ITPR1: variants seen among roughly 807,000 people sequenced by gnomAD.
The protein encoded by ITPR1 is inositol 1,4,5-trisphosphate receptor type 1, also known as inositol 1,4,5-trisphosphate-gated calcium channel ITPR1.
Under a neutral mutation model 318.4 loss-of-function variants are expected in ITPR1, and 96 were observed. That is an observed-to-expected ratio of 0.30 (90% CI 0.26 to 0.36). ITPR1 has a LOEUF of 0.36. ITPR1 is among the 10% of genes least tolerant of loss of function. The pLI is 1.00. For missense variants in ITPR1, 2,440 were observed against 3,460.2 expected, an observed-to-expected ratio of 0.71 and a Z score of 7.40; for synonymous variants, 1,312 against 1,289.9, an observed-to-expected ratio of 1.02 and a Z score of -0.37.
intron 4 of ITPR1, among the ~76,000 whole-genome samples, chr3:4,546,095 C>G (rs560143581): frequency 1.7e-4 from 26 of 152,262 alleles, no homozygotes; most frequent in Admixed American, 3.9e-4. Context: ...ATATGCAATG[C>G]TCTTGAGACA....
At chr3:4,577,808 A>G (rs1457227230) in intron 4 of ITPR1, among the ~76,000 whole-genome samples, 1 of 152,220 alleles carries the variant, frequency 6.6e-6, no homozygotes, top group African/African-American at 2.4e-5. Context: ...ACAGACTGTA[A>G]TTACAAGTGT....
In ITPR1 at chr3:4,779,628, A is replaced by G. The variant is rs773310519; in HGVS notation, c.6370A>G (p.Met2124Val). ...AAACGCAGAGAGGATACTTTATAAC[A>G]TGAGGCCCAAGGAACTGGTGAGTCG... ...SENAERILYN[M>V]RPKELVEVIK... The change falls in exon 49 of 62, where the codon ATG (methionine) becomes GTG (valine). Residue 2124 changes from methionine (M) to valine (V), a missense_variant. Physicochemically the swap from Met to Val is conservative, Grantham distance 21. Transcript: ENST00000649015. This position sits in a 1 kb window ranked among gnomAD's most constrained non-coding sequence, Gnocchi z 4.0. 1.9e-6 allele frequency: 3 copies of G among 1,608,984 alleles called. No individual in the cohort carries two copies. Among genetic ancestry groups the G allele is most frequent in the Admixed American group, 1.7e-5 (1 of 59,890 alleles).
chr3:4,598,142 A>G (rs148802100), intron 4 of ITPR1, among the ~76,000 whole-genome samples: 32 of 152,222 alleles, frequency 2.1e-4, no homozygotes, highest in African/African-American at 7.0e-4. Context: ...CTCTCAGTTA[A>G]AATTTGTACC....
chr3:4,578,242 A>G (rs1311616435), intron 4 of ITPR1, among the ~76,000 whole-genome samples: 2 of 152,348 alleles, frequency 1.3e-5, no homozygotes, highest in South Asian at 2.1e-4. Flanking sequence ...TAAATTATGT[A>G]AGATTCTATA....
chr3:4,763,423 T>C (rs963673637), intron 44 of ITPR1, among the ~76,000 whole-genome samples: 3 of 152,196 alleles, frequency 2.0e-5, no homozygotes, highest in Admixed American at 2.0e-4. Context: ...TTCCTTCCGT[T>C]GAGGCACTGG....
At chr3:4,633,076 C>A (rs764996385) in intron 5 of ITPR1, among the ~76,000 whole-genome samples, 1 of 151,710 alleles carries the variant, frequency 6.6e-6, no homozygotes, top group Non-Finnish European at 1.5e-5. Context: ...GTAGCTGGGA[C>A]TTCAGGGGTG....
At chr3:4,539,764 C>A (rs113948082) in intron 4 of ITPR1, among the ~76,000 whole-genome samples, 71 of 152,026 alleles carry the variant, frequency 4.7e-4, no homozygotes, top group African/African-American at 1.7e-3. Flanking sequence ...GAAGAGGGAC[C>A]CAAGTTAGTA....
At chr3:4,574,036 G>A (rs2088327651) in intron 4 of ITPR1, among the ~76,000 whole-genome samples, 2 of 152,164 alleles carry the variant, frequency 1.3e-5, no homozygotes, top group African/African-American at 4.8e-5. Flanking sequence ...TTTGGCCATG[G>A]CGACAGAGGT....
At chr3:4,673,577 TTTTG>T (rs58112934) in intron 21 of ITPR1, among the ~76,000 whole-genome samples, 190 bp downstream of exon 21, 9 of 151,818 alleles carry the variant, frequency 5.9e-5, no homozygotes, top group East Asian at 1.9e-4. Context: ...TGTTTTTGGT[TTTTG>T]TTTGTTTGTT....
In ITPR1 at chr3:4,642,265, C is replaced by G. The variant is rs752136674; in HGVS notation, c.525+14C>G. The stretch of plus-strand genomic sequence containing the variant: ...ATTGGAGACAGCGTAAGTGCGGATT[C>G]TCCACCTAGAAAGTCTTCCGTGCCA... On this transcript the variant is annotated intron_variant, in intron 7 of 61. Transcript: ENST00000649015. 2.7e-6 allele frequency: 4 copies of G among 1,507,656 alleles called. No homozygotes were observed. The South Asian group carries it at 4.2e-5, about 16-fold the overall frequency. The allele number at this position is 1,507,656 out of a possible 1,614,324, so 93.4% of individuals were successfully genotyped here.
In ITPR1 at chr3:4,685,125, C is replaced by G. The variant is rs772079312; in HGVS notation, c.3621C>G (p.Ser1207Arg). The change falls in exon 30 of 62, where the codon AGC becomes AGG. Residue 1207 changes from serine to arginine, a missense_variant. Physicochemically the swap from Ser to Arg is moderately radical, Grantham distance 110. This residue lies in a region of ITPR1 where 86 missense variants were observed against 75.6 expected (regional missense o/e 1.14). Transcript: ENST00000649015. ...CVQESASVRK[S>R]RKQQQRLLRN... is the part of the protein sequence containing the mutation. Reference sequence around the variant, plus strand: ...AAGAGAGTGCCTCAGTGAGAAAGAGCAGGAAGCAGCAACAGCGTCTGCTCC... The same window carrying G: ...AAGAGAGTGCCTCAGTGAGAAAGAGGAGGAAGCAGCAACAGCGTCTGCTCC... 2.5e-6 allele frequency: 4 copies of G among 1,610,478 alleles called. No individual in the cohort carries two copies. The East Asian group carries it at 8.9e-5, about 36-fold the overall frequency.
intron 42 of ITPR1, among the ~76,000 whole-genome samples, chr3:4,730,697 G>GA (rs1356276362): frequency 1.3e-5 from 2 of 151,928 alleles, no homozygotes; most frequent in African/African-American, 4.8e-5. Context: ...AAGGGGGGAA[G>GA]AAAAAAGCCA....
At chr3:4,518,281 C>CCG (rs895653246) in intron 3 of ITPR1, among the ~76,000 whole-genome samples, 5 of 152,138 alleles carry the variant, frequency 3.3e-5, no homozygotes, top group Non-Finnish European at 5.9e-5. Flanking sequence ...CCTGAGCCCC[C>CCG]GGGATCTTAG....
chr3:4,613,060 G>T (rs1421480366), intron 4 of ITPR1, among the ~76,000 whole-genome samples: 1 of 152,212 alleles, frequency 6.6e-6, no homozygotes, highest in Non-Finnish European at 1.5e-5. Context: ...GCCCAAGGTG[G>T]TTGGGGGTAC....
chr3:4,767,297 G>A (rs2045880350), intron 45 of ITPR1, among the ~76,000 whole-genome samples: 1 of 152,216 alleles, frequency 6.6e-6, no homozygotes, highest in South Asian at 2.1e-4. Flanking sequence ...TGCACTGTAA[G>A]ATACTTAGCA....
At chr3:4,746,337 C>T (rs974156700) in intron 44 of ITPR1, among the ~76,000 whole-genome samples, 10 of 152,202 alleles carry the variant, frequency 6.6e-5, no homozygotes, top group East Asian at 1.9e-4. Context: ...CAGTGCCTCA[C>T]GTGGTCTGGC....
chr3:4,630,607 G>T (rs1288272745), intron 5 of ITPR1, among the ~76,000 whole-genome samples: 1 of 144,020 alleles, frequency 6.9e-6, no homozygotes, highest in South Asian at 2.2e-4. Flanking sequence ...TATTTTTAAG[G>T]CAGAGTCTCA....
intron 4 of ITPR1, among the ~76,000 whole-genome samples, chr3:4,599,949 C>A (rs1247235767): frequency 1.3e-5 from 2 of 152,190 alleles, no homozygotes; most frequent in African/African-American, 4.8e-5. Flanking sequence ...CAGAAGTCTC[C>A]TCCTGCCCAT....
rs549282333 is a variant in ITPR1 at position 4,518,012 on chromosome 3, G to C, written c.92+1429G>C. 1.1e-4 allele frequency among the ~76,000 whole-genome samples: 17 copies of C among 152,286 alleles called. 1 individual carries two copies. The South Asian group carries it at 3.5e-3, about 32-fold the overall frequency. ...ATTGTCATCATTGCTGTTTGTGGAG[G>C]CAAAACTTTTGAGCTTCAGAGAGGC... On this transcript the variant is annotated intron_variant, in intron 3 of 61. Transcript: ENST00000649015.
Sources: allele counts gnomAD v4.1 joint callset (sites outside exome capture counted in the v4.1 genomes callset), GRCh38; gene constraint gnomAD v4.1.1; regional missense constraint gnomAD v4.1.1; non-coding constraint Gnocchi (gnomAD v3.1); transcripts MANE v1.5; gene names NCBI Gene and HGNC (gene_info 2026-07-23, HGNC 2026-07-21).